HPSE2: variants seen among roughly 807,000 people sequenced by gnomAD.
HPSE2 encodes the protein heparanase 2 (inactive).
HPSE2 carries 38 observed loss-of-function variants against 60.5 expected under a neutral mutation model. That is an observed-to-expected ratio of 0.63 (90% CI 0.48 to 0.82). The LOEUF is 0.82. Among genes scored for constraint, HPSE2 ranks in the 40% least tolerant of loss-of-function variants. HPSE2 has a pLI of 0.00. For synonymous variants in HPSE2, 295 were observed against 293.2 expected (o/e 1.01, Z -0.06); for missense variants, 713 against 740.4 (o/e 0.96, Z 0.43).
chr10:99,150,718 T>C (rs1187908285), intron 2 of HPSE2, among the ~76,000 whole-genome samples: 1 of 152,208 alleles, frequency 6.6e-6, no homozygotes, highest in Non-Finnish European at 1.5e-5. Flanking sequence ...GCAGGCTATA[T>C]GCACATGCAA....
At chr10:98,549,241 G>T (rs954165618) in intron 9 of HPSE2, among the ~76,000 whole-genome samples, 1 of 152,116 alleles carries the variant, frequency 6.6e-6, no homozygotes, top group Admixed American at 6.5e-5. Context: ...TCTGTAAAAT[G>T]AGGAAATTAA....
chr10:98,781,301 T>A (rs554805837), intron 3 of HPSE2, among the ~76,000 whole-genome samples: 6 of 126,610 alleles, frequency 4.7e-5, no homozygotes, highest in East Asian at 2.2e-4. Context: ...TTTTTTTTTT[T>A]TTTTTATTTT....
At chr10:98,486,992 A>T (rs1203759107) in intron 10 of HPSE2, among the ~76,000 whole-genome samples, 1 of 152,150 alleles carries the variant, frequency 6.6e-6, no homozygotes, top group Non-Finnish European at 1.5e-5. Flanking sequence ...ACTTCTTCTG[A>T]AAAACAGGAA....
chr10:99,044,688 AAAC>A (rs201084378), intron 3 of HPSE2, among the ~76,000 whole-genome samples: 17,519 of 94,884 alleles, frequency 0.18, 1,166 homozygotes, highest in Admixed American at 0.3. Context: ...GAAAACAAAC[AAAC>A]AAAAAAAATA....
At chr10:98,966,282 G>T (rs1320645210) in intron 3 of HPSE2, among the ~76,000 whole-genome samples, 1 of 152,158 alleles carries the variant, frequency 6.6e-6, no homozygotes, top group Non-Finnish European at 1.5e-5. Context: ...AAAGCTTCCA[G>T]GAGGAAGGAG....
At position 98,459,700 on chromosome 10, in the gene HPSE2, G is replaced by A. The variant is rs142803464; in HGVS notation, c.1653C>T (p.Asp551=). 36 of 1,613,816 alleles carry A rather than the reference G, an allele frequency of 2.2e-5. No homozygotes were observed. The highest frequency in any genetic ancestry group is 3.3e-5 in the South Asian group (3 of 91,054). ...GCTTCAATTCTGGGAGGGTCCCGTCGTCCACCATCACTAAGGGCTGGCCAT... is the reference window on the plus strand; with the variant it reads ...GCTTCAATTCTGGGAGGGTCCCGTCATCCACCATCACTAAGGGCTGGCCAT... The part of the protein sequence containing the change: ...QLNGQPLVMV[D]DGTLPELKPR... The change falls in exon 12 of 12, where the codon GAC becomes GAT. Residue 551 remains aspartate, a synonymous_variant. Transcript: ENST00000370552.
chr10:98,901,382 T>C (rs1389589921), intron 3 of HPSE2, among the ~76,000 whole-genome samples: 5 of 152,212 alleles, frequency 3.3e-5, no homozygotes, highest in Admixed American at 3.3e-4. Context: ...GAAAACAAAG[T>C]GTCCTCCAAG....
intron 2 of HPSE2, among the ~76,000 whole-genome samples, chr10:99,213,305 A>G (rs1052772074): frequency 1.3e-5 from 2 of 152,152 alleles, no homozygotes; most frequent in Admixed American, 6.5e-5. Context: ...AGAAGAAAAA[A>G]AAATTCCCTA....
At chr10:98,578,956 A>G (rs1944714589) in intron 9 of HPSE2, among the ~76,000 whole-genome samples, 2 of 152,212 alleles carry the variant, frequency 1.3e-5, no homozygotes, top group Non-Finnish European at 2.9e-5. Context: ...GCTGAGAGCC[A>G]TTGAAAAAAG....
Position 98,603,441 on chromosome 10 carries a change from T to G in HPSE2, c.1320+11463A>C, listed in dbSNP as rs113221813. ...ACGCCAGAGCACTCTGTTTTTTTGT[T>G]TTTTTTTTTGACAGAGTCTTGCTCT... On this transcript the variant is annotated intron_variant, in intron 9 of 11. Coordinates refer to ENST00000370552, the MANE Select transcript of HPSE2 (RefSeq NM_021828.5). Among the ~76,000 whole-genome samples, 1,193 of 145,166 alleles carry G rather than the reference T, an allele frequency of 8.2e-3. 17 individuals carry two copies. The highest frequency in any genetic ancestry group is 0.031 in the African/African-American group (1,138 of 36,162).
rs1200766629 is a variant in HPSE2 at position 98,843,163 on chromosome 10, A to AT, written c.611-99108dup. On this transcript the variant is annotated intron_variant, in intron 3 of 11. Transcript: ENST00000370552. Reference sequence around the variant, plus strand: ...GTATTAAGCCTACTACCCATTAGTTATTTTTCCTGATACTCTTCCTCCTCC... The same window carrying AT: ...GTATTAAGCCTACTACCCATTAGTTATTTTTTCCTGATACTCTTCCTCCTCC... Among the ~76,000 whole-genome samples, 3 of 133,330 alleles carry AT rather than the reference A, an allele frequency of 2.3e-5. No individual in the cohort carries two copies. The Admixed American group carries it at 2.3e-4, about 10-fold the overall frequency. The allele number at this position is 133,330 out of a possible 152,430, so 87.5% of individuals were successfully genotyped here.
At chr10:98,671,515 C>T (rs556792) in intron 6 of HPSE2, among the ~76,000 whole-genome samples, 144,018 of 151,792 alleles carry the variant, frequency 0.95, 68,596 homozygotes, top group East Asian at 1. Context: ...TGTCATTCAG[C>T]GTTCACTTAT....
chr10:98,676,478 A>G (rs1947644962), intron 6 of HPSE2, among the ~76,000 whole-genome samples: 2 of 152,160 alleles, frequency 1.3e-5, no homozygotes, highest in Non-Finnish European at 1.5e-5. Context: ...GAATCATTAC[A>G]ATTTCTTAAG....
intron 2 of HPSE2, among the ~76,000 whole-genome samples, chr10:99,183,797 A>T (rs1245174280): frequency 6.6e-6 from 1 of 152,210 alleles, no homozygotes; most frequent in Admixed American, 6.5e-5. Flanking sequence ...CAATCACCAT[A>T]GTTCACATAG....
chr10:99,216,188 C>CT (rs550046406), intron 2 of HPSE2, among the ~76,000 whole-genome samples: 78,345 of 97,464 alleles, frequency 0.8, 32,626 homozygotes, highest in South Asian at 0.85. Flanking sequence ...ATAACCTAAA[C>CT]TTTTTTTTTT....
chr10:98,918,544 T>C (rs1029799013), intron 3 of HPSE2, among the ~76,000 whole-genome samples: 3 of 149,574 alleles, frequency 2.0e-5, no homozygotes, highest in Admixed American at 6.7e-5. Context: ...ATGGATGAAA[T>C]TGGAAATCAT....
chr10:98,550,487 G>A (rs1364094263), intron 9 of HPSE2, among the ~76,000 whole-genome samples: 1 of 139,866 alleles, frequency 7.1e-6, no homozygotes, highest in African/African-American at 2.7e-5. Context: ...TTTTTTTTTT[G>A]AGATGGAGTC....
intron 3 of HPSE2, among the ~76,000 whole-genome samples, chr10:99,072,179 AT>A (rs2135550193): frequency 6.6e-6 from 1 of 152,294 alleles, no homozygotes; most frequent in African/African-American, 2.4e-5. Context: ...TAGTATGGAC[AT>A]TTTAATAACA....
At chr10:99,267,366 C>T in the HPSE2 span, among the ~76,000 whole-genome samples, 4 of 151,932 alleles carry the variant, frequency 2.6e-5, no homozygotes, top group African/African-American at 9.7e-5. Context: ...TAGAATCAAA[C>T]AAGCAGAAGA....
Sources: gnomAD v4.1 joint callset for allele counts (sites outside exome capture counted in the v4.1 genomes callset) on GRCh38, gnomAD v4.1.1 for gene constraint, MANE v1.5 for transcripts, NCBI Gene and HGNC (gene_info 2026-07-23, HGNC 2026-07-21) for gene names.